Variants in TMPRSS11B observed in about 807,000 individuals in gnomAD.
TMPRSS11B encodes transmembrane protease serine 11B.
A neutral mutation model predicts 44.7 loss-of-function variants in TMPRSS11B; 53 were observed. The observed-to-expected ratio is 1.19, with a 90% CI of 0.95 to 1.49. The LOEUF (loss-of-function observed/expected upper bound fraction) is 1.49, where lower values mean the gene tolerates loss of function less well. Ranked by LOEUF, TMPRSS11B falls within the 40% of genes most tolerant of loss-of-function variation. The pLI, the probability that TMPRSS11B is intolerant of heterozygous loss-of-function variation, is 0.00. For missense variants in TMPRSS11B, 526 were observed against 494.8 expected (o/e 1.06, Z -0.60); for synonymous variants, 140 against 159.2 (o/e 0.88, Z 0.91).
Position 68,242,321 on chromosome 4 carries a change from A to ATAATAT in TMPRSS11B, c.9-518_9-517insATATTA, listed in dbSNP as rs1560445611. On this transcript the variant is annotated intron_variant, in intron 1 of 9. Transcript: ENST00000332644. ...TAATATAATATATATAATATTATAT[A>ATAATAT]TATAATATTATATTATATATATATT... 7.5e-4 allele frequency among the ~76,000 whole-genome samples: 51 copies of ATAATAT among 68,314 alleles called. 2 individuals are homozygous for ATAATAT. Among genetic ancestry groups the ATAATAT allele is most frequent in the African/African-American group, 3.4e-3 (49 of 14,352 alleles). 44.8% of individuals were successfully genotyped at this position (68,314 alleles called of 152,430 possible).
In TMPRSS11B at chr4:68,228,758, T is replaced by C. The variant is rs771736422; in HGVS notation, c.1073A>G (p.Glu358Gly). 2.5e-6 allele frequency: 4 copies of C among 1,611,250 alleles called. No homozygotes were observed. The highest frequency in any genetic ancestry group is 8.5e-7 in the Non-Finnish European group (1 of 1,178,896). Reference sequence around the variant, plus strand: ...TAGACATACCTGACATGCATCAGCTTCTCCTGACATAAATCCAGCACATAA... The same window carrying C: ...TAGACATACCTGACATGCATCAGCTCCTCCTGACATAAATCCAGCACATAA... Reference protein sequence around the residue: ...TMLCAGFMSGEADACQNDSGG... With the variant: ...TMLCAGFMSGGADACQNDSGG... Residue 358 changes from glutamate (E) to glycine (G), a missense_variant, in exon 9 of 10, where the codon GAA becomes GGA. Transcript: ENST00000332644.
rs374100420 is a variant in TMPRSS11B at position 68,241,797 on chromosome 4, T to C, written c.16A>G (p.Ile6Val). Residue 6 changes from isoleucine to valine, a missense_variant, in exon 2 of 10, where the codon ATA (isoleucine) becomes GTA (valine). Physicochemically the swap from Ile to Val is conservative, Grantham distance 29. Coordinates refer to ENST00000332644, the MANE Select transcript of TMPRSS11B (RefSeq NM_182502.3). Reference protein sequence around the residue: MYRHGISSQRSWPLWT... With the variant: MYRHGVSSQRSWPLWT... ...AGTGGCCAAGATCTTTGGGAAGATA[T>C]GCCGTGCCTATGAAAGAGGAAAATT... The C allele has an allele frequency of 8.7e-6, 14 of 1,611,602 alleles. No homozygotes were observed. Among genetic ancestry groups the C allele is most frequent in the Non-Finnish European group, 1.2e-5 (14 of 1,178,218 alleles).
rs1203743163 is a variant in TMPRSS11B at position 68,227,202 on chromosome 4, A to G, written c.*709T>C. ...CACTTTCGCACTTATTCCAGTTAAT[A>G]AAATGAAATTATAATTGATATAATA... is the stretch of plus-strand genomic sequence containing the variant. On this transcript the variant is annotated 3_prime_UTR_variant, in exon 10 of 10. Coordinates refer to ENST00000332644, the MANE Select transcript of TMPRSS11B (RefSeq NM_182502.3). 6.6e-6 allele frequency: 1 copy of G among 152,170 alleles called. No individual in the cohort carries two copies. Among genetic ancestry groups the G allele is most frequent in the African/African-American group, 2.4e-5 (1 of 41,450 alleles). The allele number at this position is 152,170 out of a possible 1,614,324, so 9.4% of individuals were successfully genotyped here. A position where few individuals can be genotyped will look rare whatever the true frequency, so the allele number is the denominator to read the frequency against.
intron 1 of TMPRSS11B, among the ~76,000 whole-genome samples, chr4:68,242,945 T>C (rs1719900674): frequency 6.6e-6 from 1 of 152,234 alleles, no homozygotes; most frequent in African/African-American, 2.4e-5. Flanking sequence ...TGTTTTATCA[T>C]CAAAGCCAAT....
chr4:68,236,054 G>T lies in TMPRSS11B; in HGVS notation c.256C>A (p.Gln86Lys), dbSNP rs1249459307. 6.3e-7 allele frequency: 1 copy of T among 1,591,250 alleles called. No homozygotes were observed. The highest frequency in any genetic ancestry group is 8.5e-7 in the Non-Finnish European group (1 of 1,170,068). Residue 86 changes from glutamine (Q) to lysine (K), a missense_variant, in exon 4 of 10, where the codon CAA becomes AAA. Transcript: ENST00000332644. ...DIETKMLNAF[Q>K]NSSIYKEYVK... The stretch of plus-strand genomic sequence containing the variant: ...TATTCCTTATATATACTGGAATTTT[G>T]AAATGCATTTAACATCTGACAAGAG...
chr4:68,233,078 A>G (rs935350726), intron 5 of TMPRSS11B, among the ~76,000 whole-genome samples: 1 of 152,140 alleles, frequency 6.6e-6, no homozygotes, highest in Admixed American at 6.5e-5. Flanking sequence ...TCCTATTGGT[A>G]AAAGACTTTA....
At chr4:68,239,924 T>C (rs1299484136) in intron 2 of TMPRSS11B, among the ~76,000 whole-genome samples, 1 of 152,212 alleles carries the variant, frequency 6.6e-6, no homozygotes, top group Non-Finnish European at 1.5e-5. Context: ...TGAAGAATTA[T>C]GAAATTGGTT....
chr4:68,236,279 G>GAAA lies in TMPRSS11B; in HGVS notation c.125-16_125-14dup. 13 of 1,489,690 alleles carry GAAA rather than the reference G, an allele frequency of 8.7e-6. No individual in the cohort carries two copies. In the African/African-American group the frequency reaches 1.6e-4, roughly 18 times the overall value. 92.3% of individuals were successfully genotyped at this position (1,489,690 alleles called of 1,614,324 possible). A position where few individuals can be genotyped will look rare whatever the true frequency, so the allele number is the denominator to read the frequency against. Reference sequence around the variant, plus strand: ...TAGTAAGTCTTCTCTGCAAAATTAAGAAAAAAAAACCTCAAAGAATTTTAA... The same window carrying GAAA: ...TAGTAAGTCTTCTCTGCAAAATTAAGAAAAAAAAAAAACCTCAAAGAATTTTAA... On this transcript the variant is annotated splice_polypyrimidine_tract_variant and intron_variant, in intron 2 of 9. Coordinates refer to ENST00000332644, the MANE Select transcript of TMPRSS11B (RefSeq NM_182502.3).
intron 5 of TMPRSS11B, among the ~76,000 whole-genome samples, chr4:68,233,986 A>G (rs567578122): frequency 6.6e-6 from 1 of 152,210 alleles, no homozygotes; most frequent in East Asian, 1.9e-4. Context: ...TGTGACTAAC[A>G]TGGTAAAACC....
chr4:68,241,161 G>T (rs1719810869), intron 2 of TMPRSS11B, among the ~76,000 whole-genome samples: 1 of 151,974 alleles, frequency 6.6e-6, no homozygotes, highest in Admixed American at 6.6e-5. Flanking sequence ...TTTCAGAAAA[G>T]TAAAAATAAA....
intron 2 of TMPRSS11B, among the ~76,000 whole-genome samples, chr4:68,238,756 A>G (rs188008521): frequency 0.016 from 2,484 of 152,058 alleles, 57 homozygotes; most frequent in African/African-American, 0.055. Flanking sequence ...AAAAACAAAG[A>G]AAAACAAACA....
In TMPRSS11B at chr4:68,234,589, G is replaced by T. The variant is rs1719610279; in HGVS notation, c.343C>A (p.Leu115Met). 1 of 1,613,896 alleles carries T rather than the reference G, an allele frequency of 6.2e-7. No individual in the cohort carries two copies. The highest frequency in any genetic ancestry group is 1.3e-5 in the African/African-American group (1 of 75,024). ...TCTGCTGGAGGAAACTTGAATTTCA[G>T]CTGTAACTGCACATTTGAACCATTG... Reference protein sequence around the residue: ...NANGSNVQLQLKFKFPPAEGV... With the variant: ...NANGSNVQLQMKFKFPPAEGV... The change falls in exon 5 of 10, where the codon CTG (leucine) becomes ATG (methionine). Residue 115 changes from leucine to methionine, a missense_variant. Transcript: ENST00000332644.
At chr4:68,236,744 T>G (rs1174877478) in intron 2 of TMPRSS11B, among the ~76,000 whole-genome samples, 1 of 152,124 alleles carries the variant, frequency 6.6e-6, no homozygotes, top group Non-Finnish European at 1.5e-5. Flanking sequence ...AAACTCAGCC[T>G]AGCAATTACC....
intron 5 of TMPRSS11B, among the ~76,000 whole-genome samples, chr4:68,233,680 A>G (rs1245557383): frequency 6.6e-6 from 1 of 152,074 alleles, no homozygotes; most frequent in Non-Finnish European, 1.5e-5. Context: ...AAATTTCATG[A>G]TTCCCTTGTT....
chr4:68,236,586 C>T (rs537654806), intron 2 of TMPRSS11B, among the ~76,000 whole-genome samples: 51 of 152,254 alleles, frequency 3.3e-4, no homozygotes, highest in African/African-American at 1.1e-3. Flanking sequence ...CAATGATCCC[C>T]GCTTTCCCTT....
At chr4:68,241,304 C>G (rs1719814985) in intron 2 of TMPRSS11B, among the ~76,000 whole-genome samples, 1 of 152,064 alleles carries the variant, frequency 6.6e-6, no homozygotes, top group South Asian at 2.1e-4. Context: ...TTTTTCATTG[C>G]TACTTATTCA....
chr4:68,242,579 C>CTTTT (rs201883626), intron 1 of TMPRSS11B, among the ~76,000 whole-genome samples: 1 of 144,676 alleles, frequency 6.9e-6, no homozygotes, highest in Admixed American at 7.1e-5. Context: ...TTCTTTCTTT[C>CTTTT]TTTTTTTTGA....
intron 1 of TMPRSS11B, among the ~76,000 whole-genome samples, chr4:68,242,322 T>C (rs1306152035): frequency 1.0e-4 from 7 of 67,970 alleles, no homozygotes; most frequent in Non-Finnish European, 1.7e-4. Context: ...ATATTATATA[T>C]ATAATATTAT....
intron 2 of TMPRSS11B, among the ~76,000 whole-genome samples, chr4:68,241,300 A>T (rs1388910416): frequency 6.6e-6 from 1 of 152,148 alleles, no homozygotes; most frequent in Admixed American, 6.6e-5. Context: ...CAGATTTTTC[A>T]TTGCTACTTA....
Sources: gnomAD v4.1 joint callset for allele counts (sites outside exome capture counted in the v4.1 genomes callset) on GRCh38, gnomAD v4.1.1 for gene constraint, MANE v1.5 for transcripts, NCBI Gene and HGNC (gene_info 2026-07-23, HGNC 2026-07-21) for gene names.